Variants in JAML observed in about 807,000 individuals in gnomAD.
JAML encodes junction adhesion molecule like, also known as junctional adhesion molecule-like.
In JAML, 25 loss-of-function variants were observed where a neutral mutation model predicts 39.3. That is an observed-to-expected ratio of 0.64 (90% CI 0.46 to 0.89). The LOEUF is 0.89. Among genes scored for constraint, JAML ranks in the 40% least tolerant of loss-of-function variants. The probability of loss-of-function intolerance (pLI) is 0.00; values close to 1 mark genes in which losing one functional copy is unlikely to be tolerated. For missense variants in JAML, 440 were observed against 486.9 expected (o/e 0.90, Z 0.91); for synonymous variants, 162 against 179.2 (o/e 0.90, Z 0.77).
intron 8 of JAML, chr11:118,197,327 T>G (rs1038480306): frequency 1.0e-4 from 16 of 152,622 alleles, no homozygotes; most frequent in African/African-American, 3.6e-4. Context: ...GAAAAAATCC[T>G]ACTCTTGGGA....
At chr11:118,219,410 G>C (rs2134678021) in intron 1 of JAML, among the ~76,000 whole-genome samples, 1 of 152,268 alleles carries the variant, frequency 6.6e-6, no homozygotes, top group South Asian at 2.1e-4. Context: ...GTCCCAGCTG[G>C]GGAGGACCCA....
Position 118,214,898 on chromosome 11 carries a change from A to G in JAML, c.-20-12T>C. 1 of 1,611,930 alleles carries G rather than the reference A, an allele frequency of 6.2e-7. No individual in the cohort carries two copies. Among genetic ancestry groups the G allele is most frequent in the Non-Finnish European group, 8.5e-7 (1 of 1,178,302 alleles). ...CTCAACTTTCAAATCTTAAGATAAAAGAACAAAAATCACAAAATCATGTCA... is the reference window on the plus strand; with the variant it reads ...CTCAACTTTCAAATCTTAAGATAAAGGAACAAAAATCACAAAATCATGTCA... On this transcript the variant is annotated splice_polypyrimidine_tract_variant and intron_variant, in intron 1 of 9. Transcript: ENST00000356289.
intron 3 of JAML, among the ~76,000 whole-genome samples, chr11:118,211,667 A>G (rs1163174731): frequency 6.6e-6 from 1 of 152,244 alleles, no homozygotes. Context: ...AGCTACAAAA[A>G]CAATATTTTG....
intron 2 of JAML, 63 bp from the exon 3 acceptor site, chr11:118,212,624 A>T (rs550322061): frequency 1.9e-6 from 3 of 1,580,568 alleles, no homozygotes; most frequent in African/African-American, 2.7e-5. Context: ...ACAAAAATCA[A>T]TTCCAATCAT....
chr11:118,204,047 G>T (rs995353556), intron 5 of JAML: 10 of 225,306 alleles, frequency 4.4e-5, no homozygotes, highest in African/African-American at 2.3e-4. Context: ...CCCCAAACCA[G>T]TTCTTTCCAG....
intron 1 of JAML, among the ~76,000 whole-genome samples, chr11:118,221,005 A>G (rs1034609316): frequency 4.6e-5 from 7 of 152,218 alleles, no homozygotes; most frequent in African/African-American, 1.7e-4. Context: ...AAGTAAAATT[A>G]TCAATTTCCC....
Position 118,220,261 on chromosome 11 carries a change from C to T in JAML, c.-21+4680G>A, listed in dbSNP as rs74625304. On this transcript the variant is annotated intron_variant, in intron 1 of 9. Coordinates refer to ENST00000356289, the MANE Select transcript of JAML (RefSeq NM_001098526.2). Reference sequence around the variant, plus strand: ...TCTCCTCATACCTGAACCGATTATCCGGTGCAAGGCCCCAGTGCAGAGAAG... The same window carrying T: ...TCTCCTCATACCTGAACCGATTATCTGGTGCAAGGCCCCAGTGCAGAGAAG... 2.8e-3 allele frequency among the ~76,000 whole-genome samples: 433 copies of T among 152,298 alleles called. 20 individuals carry two copies. The East Asian group carries it at 0.07, about 25-fold the overall frequency.
intron 2 of JAML, among the ~76,000 whole-genome samples, chr11:118,214,292 G>A (rs923426782): frequency 1.3e-5 from 2 of 152,150 alleles, no homozygotes; most frequent in South Asian, 2.1e-4. Context: ...AGAAGGAAGT[G>A]GAGCATAAGG....
At chr11:118,213,851 C>G (rs1383688226) in intron 2 of JAML, among the ~76,000 whole-genome samples, 1 of 152,172 alleles carries the variant, frequency 6.6e-6, no homozygotes, top group African/African-American at 2.4e-5. Flanking sequence ...AACCTGCAGG[C>G]TGCTCCACAG....
intron 1 of JAML, 68 bp from the exon 2 acceptor site, chr11:118,214,954 G>T: frequency 7.0e-7 from 1 of 1,420,134 alleles, no homozygotes; most frequent in Non-Finnish European, 9.9e-7. Flanking sequence ...AAAACCAATA[G>T]TGAAGGACTA....
chr11:118,218,013 G>A (rs372705524), intron 1 of JAML, among the ~76,000 whole-genome samples: 2 of 152,278 alleles, frequency 1.3e-5, no homozygotes, highest in African/African-American at 2.4e-5. Context: ...CCTGCTCCTC[G>A]CTCACATCTC....
At chr11:118,214,013 G>A (rs12286604) in intron 2 of JAML, among the ~76,000 whole-genome samples, 31,365 of 152,152 alleles carry the variant, frequency 0.21, 3,314 homozygotes, top group Middle Eastern at 0.27. Context: ...AGGCAATCCT[G>A]TTGTATACTT....
chr11:118,212,782 A>G (rs1251451122), intron 2 of JAML: 2 of 1,598,450 alleles, frequency 1.3e-6, no homozygotes, highest in African/African-American at 1.4e-5. Context: ...AATAAATGCT[A>G]TCTGGCTCCC....
At chr11:118,203,198 C>T (rs1565476558) in intron 6 of JAML, 1 of 675,518 alleles carries the variant, frequency 1.5e-6, no homozygotes, top group Non-Finnish European at 2.7e-6. Flanking sequence ...ATTAGCTCCC[C>T]TCCCCTTGGC....
In JAML at chr11:118,194,386, C is replaced by G; in HGVS notation, c.1124G>C (p.Arg375Pro). 6.2e-6 allele frequency: 10 copies of G among 1,613,914 alleles called. No homozygotes were observed. Among genetic ancestry groups the G allele is most frequent in the Non-Finnish European group, 8.5e-6 (10 of 1,179,884 alleles). The stretch of plus-strand genomic sequence containing the variant: ...TGACTTTTTTTCAAGTGAGTTGTTC[C>G]GATCTGACCTCAGAGAAGGCCAAAC... ...HPVWPSLRSDRNNSLEKKSGG... is the reference protein window; with the variant it reads ...HPVWPSLRSDPNNSLEKKSGG... The change falls in exon 10 of 10, where the codon CGG (arginine) becomes CCG (proline). Residue 375 changes from arginine to proline, a missense_variant. Transcript: ENST00000356289.
chr11:118,205,730 C>A, intron 5 of JAML, 152 bp downstream of exon 5: 1 of 643,606 alleles, frequency 1.6e-6, no homozygotes, highest in Non-Finnish European at 2.8e-6. Context: ...ATCTTTCCCA[C>A]CAGAAAGCTG....
Position 118,210,703 on chromosome 11 carries a change from C to T in JAML, c.208G>A (p.Val70Met). 6.2e-7 allele frequency: 1 copy of T among 1,614,026 alleles called. No homozygotes were observed. Among genetic ancestry groups the T allele is most frequent in the Non-Finnish European group, 8.5e-7 (1 of 1,179,906 alleles). The change falls in exon 4 of 10, where the codon GTG becomes ATG. Residue 70 changes from valine to methionine, a missense_variant. Coordinates refer to ENST00000356289, the MANE Select transcript of JAML (RefSeq NM_001098526.2). ...CTGAGATTGGAGTAATAGTATAGCA[C>T]ATATTCGTCCTGAAGGGCAAAACAG... Reference protein sequence around the residue: ...SPGEHAKDEYVLYYYSNLSVP... With the variant: ...SPGEHAKDEYMLYYYSNLSVP...
At chr11:118,218,397 C>T (rs996913717) in intron 1 of JAML, among the ~76,000 whole-genome samples, 6 of 152,344 alleles carry the variant, frequency 3.9e-5, no homozygotes, top group Middle Eastern at 3.4e-3. Context: ...CCGGCAGCCA[C>T]ATGTCTTAAT....
intron 4 of JAML, among the ~76,000 whole-genome samples, chr11:118,209,650 A>G (rs1462332017): frequency 1.3e-5 from 2 of 151,750 alleles, no homozygotes; most frequent in African/African-American, 2.4e-5. Context: ...TCTCCCCAGT[A>G]CCTGAGACCA....
Sources: gnomAD v4.1 joint callset for allele counts (sites outside exome capture counted in the v4.1 genomes callset) on GRCh38, gnomAD v4.1.1 for gene constraint, MANE v1.5 for transcripts, NCBI Gene and HGNC (gene_info 2026-07-23, HGNC 2026-07-21) for gene names.